Variants in DDAH1 observed in about 807,000 individuals in gnomAD.
DDAH1 encodes the protein dimethylarginine dimethylaminohydrolase 1, also known as N(G),N(G)-dimethylarginine dimethylaminohydrolase 1.
A neutral mutation model predicts 28.8 loss-of-function variants in DDAH1; 19 were observed. The ratio of observed to expected loss-of-function variants is 0.66; its 90% CI spans 0.46 to 0.97. DDAH1 has a LOEUF of 0.97. DDAH1 is among the 50% of genes least tolerant of loss of function. The pLI is 0.00. For missense variants in DDAH1, 326 were observed against 375.9 expected (o/e 0.87, Z 1.10); for synonymous variants, 153 against 154.4 (o/e 0.99, Z 0.07).
intron 1 of DDAH1, among the ~76,000 whole-genome samples, chr1:85,360,163 T>C (rs1485202109): frequency 6.6e-6 from 1 of 152,148 alleles, no homozygotes; most frequent in African/African-American, 2.4e-5. Flanking sequence ...AATAAAAATA[T>C]GGAAATACTT....
intron 2 of DDAH1, among the ~76,000 whole-genome samples, chr1:85,479,918 C>G (rs762097111): frequency 1.3e-5 from 2 of 152,220 alleles, no homozygotes; most frequent in East Asian, 3.8e-4. Flanking sequence ...CCATCTTACA[C>G]ATACTGAAAT....
chr1:85,539,257 C>T lies in DDAH1; in HGVS notation c.-123+38727G>A, dbSNP rs1187099268. 4.6e-5 allele frequency among the ~76,000 whole-genome samples: 7 copies of T among 152,234 alleles called. 1 individual carries two copies. The highest frequency in any genetic ancestry group is 3.9e-4 in the East Asian group (2 of 5,170). On this transcript the variant is annotated intron_variant, in intron 1 of 6. Coordinates refer to the DDAH1 transcript ENST00000426972. ...CACCTCCAGGGTTCAAACGATTCTC[C>T]TGCCTCAGCCTCCCATGTAGCTGGG...
intron 1 of DDAH1, among the ~76,000 whole-genome samples, chr1:85,514,331 C>T (rs1196153928): frequency 6.6e-6 from 1 of 152,080 alleles, no homozygotes. Flanking sequence ...GGGAATTGAA[C>T]AATGAGATCA....
intron 1 of DDAH1, among the ~76,000 whole-genome samples, chr1:85,418,898 T>C (rs1014327916): frequency 5.3e-5 from 8 of 152,154 alleles, no homozygotes; most frequent in African/African-American, 1.9e-4. Context: ...GCCAGTCATA[T>C]CTCTCCAACT....
intron 1 of DDAH1, among the ~76,000 whole-genome samples, chr1:85,540,960 T>TAAAAAAA: frequency 9.4e-6 from 1 of 106,672 alleles, no homozygotes; most frequent in Non-Finnish European, 1.8e-5. Flanking sequence ...ACTCAGTATC[T>TAAAAAAA]AAAAAAAAAA....
At chr1:85,381,813 C>G (rs1163460177) in intron 1 of DDAH1, among the ~76,000 whole-genome samples, 1 of 152,082 alleles carries the variant, frequency 6.6e-6, no homozygotes, top group African/African-American at 2.4e-5. Context: ...GCTTATATCT[C>G]TGTGTCACAT....
At chr1:85,393,763 T>C (rs1651674913) in intron 1 of DDAH1, among the ~76,000 whole-genome samples, 1 of 152,214 alleles carries the variant, frequency 6.6e-6, no homozygotes, top group African/African-American at 2.4e-5. Context: ...GTTGTGTGCT[T>C]TGAGATGTAA....
intron 1 of DDAH1, among the ~76,000 whole-genome samples, chr1:85,458,573 C>A (rs1655001133): frequency 6.6e-6 from 1 of 151,926 alleles, no homozygotes; most frequent in Non-Finnish European, 1.5e-5. Flanking sequence ...GGACTACAGA[C>A]ACCACACACA....
At position 85,473,860 on chromosome 1, in the gene DDAH1, G is replaced by A. The variant is rs143164944; in HGVS notation, c.-7+22306C>T. On this transcript the variant is annotated intron_variant, in intron 2 of 6. Coordinates refer to the DDAH1 transcript ENST00000426972. ...TACATGCTTCCTGCTTTGGATGAGCGAATCTAGGCCCATGACTTCAAATAC... is the reference window on the plus strand; with the variant it reads ...TACATGCTTCCTGCTTTGGATGAGCAAATCTAGGCCCATGACTTCAAATAC... Among the ~76,000 whole-genome samples the A allele has an allele frequency of 4.6e-5, 7 of 152,194 alleles. No individual in the cohort carries two copies. In the East Asian group the frequency reaches 1.2e-3, roughly 25 times the overall value.
chr1:85,527,958 T>G (rs2100770245), intron 1 of DDAH1, among the ~76,000 whole-genome samples: 1 of 152,306 alleles, frequency 6.6e-6, no homozygotes, highest in Middle Eastern at 3.4e-3. Context: ...CTCTTTTCTT[T>G]ATTAAACAAA....
chr1:85,502,961 C>T (rs1042646587), intron 1 of DDAH1, among the ~76,000 whole-genome samples: 7 of 152,278 alleles, frequency 4.6e-5, no homozygotes, highest in African/African-American at 1.7e-4. Context: ...CTATCCATAG[C>T]TACCAGTCAG....
At chr1:85,337,329 G>A (rs962477367) in intron 4 of DDAH1, among the ~76,000 whole-genome samples, 15 of 151,988 alleles carry the variant, frequency 9.9e-5, no homozygotes, top group African/African-American at 3.1e-4. Context: ...AGTGCATCTC[G>A]TAAAAAATTC....
intron 2 of DDAH1, among the ~76,000 whole-genome samples, chr1:85,477,769 C>T (rs562426173): frequency 9.9e-5 from 15 of 151,922 alleles, no homozygotes; most frequent in African/African-American, 2.4e-4. Flanking sequence ...TATGTAGCTA[C>T]GTACTAAATT....
chr1:85,321,383 C>T lies in DDAH1; in HGVS notation c.*69G>A. On this transcript the variant is annotated 3_prime_UTR_variant, in exon 6 of 6. Transcript: ENST00000284031. ...CACAGTAGATTGTCAAGGAAAACAA[C>T]AGGAGTGGGCACAGAGTCATCGGCC... is the stretch of plus-strand genomic sequence containing the variant. 1.0e-6 allele frequency: 1 copy of T among 957,788 alleles called. No homozygotes were observed. The highest frequency in any genetic ancestry group is 1.7e-6 in the Non-Finnish European group (1 of 592,896). 59.3% of individuals were successfully genotyped at this position (957,788 alleles called of 1,614,324 possible).
intron 1 of DDAH1, among the ~76,000 whole-genome samples, chr1:85,462,175 G>A (rs1655150297): frequency 6.6e-6 from 1 of 152,166 alleles, no homozygotes; most frequent in African/African-American, 2.4e-5. Context: ...AGGGAAGAGA[G>A]GAAAGAGGAA....
At chr1:85,329,987 G>A (rs929468762) in intron 4 of DDAH1, among the ~76,000 whole-genome samples, 4 of 152,184 alleles carry the variant, frequency 2.6e-5, no homozygotes, top group Admixed American at 1.3e-4. Context: ...TTTGTCTTTC[G>A]AGGCAAAGAA....
At chr1:85,481,888 C>T (rs1330320710) in intron 2 of DDAH1, among the ~76,000 whole-genome samples, 2 of 152,230 alleles carry the variant, frequency 1.3e-5, no homozygotes, top group African/African-American at 4.8e-5. Flanking sequence ...CAGTCACTTC[C>T]TGCAGCCATA....
chr1:85,337,792 T>C (rs1453133505), intron 4 of DDAH1, among the ~76,000 whole-genome samples: 1 of 152,184 alleles, frequency 6.6e-6, no homozygotes, highest in Non-Finnish European at 1.5e-5. Context: ...CTCCATAGTC[T>C]ATCCATTTTA....
chr1:85,436,626 T>C (rs995424279), intron 1 of DDAH1, among the ~76,000 whole-genome samples: 4 of 151,852 alleles, frequency 2.6e-5, no homozygotes, highest in Non-Finnish European at 4.4e-5. Context: ...CTGGTAATGG[T>C]GCTCAGCTTA....
Sources: allele counts gnomAD v4.1 joint callset (sites outside exome capture counted in the v4.1 genomes callset), GRCh38; gene constraint gnomAD v4.1.1; transcripts MANE v1.5; gene names NCBI Gene and HGNC (gene_info 2026-07-23, HGNC 2026-07-21).